KCMF1: variants seen among roughly 807,000 people sequenced by gnomAD.
KCMF1 encodes the protein potassium channel modulatory factor 1, also known as E3 ubiquitin-protein ligase KCMF1.
KCMF1 carries 3 observed loss-of-function variants against 41.1 expected under a neutral mutation model. That is an observed-to-expected ratio of 0.07 (90% CI 0.03 to 0.19). The LOEUF (loss-of-function observed/expected upper bound fraction) is 0.19. Ranked by LOEUF, KCMF1 falls within the 10% of genes least tolerant of loss-of-function variation. The pLI is 1.00. For missense variants in KCMF1, 286 were observed against 488.9 expected, an observed-to-expected ratio of 0.58 and a Z score of 3.91; for synonymous variants, 142 against 164.5, an observed-to-expected ratio of 0.86 and a Z score of 1.04.
chr2:85,050,021 G>A (rs545833672), intron 6 of KCMF1, among the ~76,000 whole-genome samples: 11 of 152,122 alleles, frequency 7.2e-5, no homozygotes, highest in Admixed American at 5.2e-4. Context: ...GTGATGGTGC[G>A]CACCTGTAGT....
intron 1 of KCMF1, among the ~76,000 whole-genome samples, chr2:84,973,645 A>T (rs561560002): frequency 7.2e-5 from 11 of 152,258 alleles, no homozygotes; most frequent in African/African-American, 2.4e-4. Context: ...CATTAGATAC[A>T]TATTTTGTGG....
chr2:85,021,216 C>A (rs1028490180), intron 1 of KCMF1, among the ~76,000 whole-genome samples: 2 of 152,066 alleles, frequency 1.3e-5, no homozygotes, highest in African/African-American at 4.8e-5. Context: ...TTAAGTTGAT[C>A]GGGGAGTCTC....
intron 5 of KCMF1, among the ~76,000 whole-genome samples, chr2:85,047,213 A>G (rs945695017): frequency 1.3e-5 from 2 of 152,344 alleles, no homozygotes; most frequent in African/African-American, 2.4e-5. Context: ...CAAGGAAATC[A>G]TAAAAGATTT....
intron 1 of KCMF1, among the ~76,000 whole-genome samples, chr2:85,016,859 T>G (rs1489991237): frequency 6.6e-6 from 1 of 151,962 alleles, no homozygotes; most frequent in African/African-American, 2.4e-5. Context: ...CCAGCTAATT[T>G]TTGTATCTTT....
intron 1 of KCMF1, among the ~76,000 whole-genome samples, chr2:84,993,482 C>T (rs1674096111): frequency 1.3e-5 from 2 of 152,052 alleles, no homozygotes; most frequent in Admixed American, 1.3e-4. Flanking sequence ...AGTTGATGTA[C>T]TCCCTTAATC....
chr2:85,015,674 C>A (rs546272981), intron 1 of KCMF1, among the ~76,000 whole-genome samples: 1 of 152,258 alleles, frequency 6.6e-6, no homozygotes, highest in South Asian at 2.1e-4. Context: ...TCTTTAAATA[C>A]AATATTTCAC....
chr2:85,016,679 TTATAC>T (rs1674775971), intron 1 of KCMF1, among the ~76,000 whole-genome samples: 1 of 152,030 alleles, frequency 6.6e-6, no homozygotes, highest in Non-Finnish European at 1.5e-5. Flanking sequence ...ACTGAGTTAC[TTATAC>T]TATAGTTTAT....
chr2:85,008,358 T>TG lies in KCMF1; in HGVS notation c.17-19531_17-19530insG, dbSNP rs1674555648. ...ATAATATGATATATAATATATAATA[T>TG]ATATTATATATCATATGATATATTA... On this transcript the variant is annotated intron_variant, in intron 1 of 6. Coordinates refer to ENST00000409785, the MANE Select transcript of KCMF1 (RefSeq NM_020122.5). 6.3e-5 allele frequency among the ~76,000 whole-genome samples: 7 copies of TG among 111,072 alleles called. No homozygotes were observed. In the East Asian group the frequency reaches 1.5e-3, roughly 23 times the overall value. 72.9% of individuals were successfully genotyped at this position (111,072 alleles called of 152,430 possible).
At chr2:85,016,482 A>T (rs1201268955) in intron 1 of KCMF1, among the ~76,000 whole-genome samples, 3 of 151,768 alleles carry the variant, frequency 2.0e-5, no homozygotes, top group Non-Finnish European at 4.4e-5. Context: ...TTGGCAAGGG[A>T]TGATTTATAT....
chr2:85,030,958 A>G (rs985370349), intron 2 of KCMF1, among the ~76,000 whole-genome samples: 2 of 152,180 alleles, frequency 1.3e-5, no homozygotes, highest in African/African-American at 4.8e-5. Context: ...TCAGCCTCCC[A>G]AAGTGCTGAG....
chr2:84,973,825 CTTTTTT>C (rs1238178193), intron 1 of KCMF1, among the ~76,000 whole-genome samples: 1 of 110,278 alleles, frequency 9.1e-6, no homozygotes. Context: ...TTATTTCTTT[CTTTTTT>C]TTTTTTTTTT....
intron 4 of KCMF1, among the ~76,000 whole-genome samples, chr2:85,044,673 C>T (rs944409791): frequency 1.3e-5 from 2 of 152,052 alleles, no homozygotes; most frequent in African/African-American, 2.4e-5. Context: ...TGAACCACTG[C>T]GCCTGGCCAA....
intron 1 of KCMF1, among the ~76,000 whole-genome samples, chr2:84,999,352 C>T (rs535252377): frequency 1.2e-4 from 18 of 152,164 alleles, no homozygotes; most frequent in Non-Finnish European, 2.2e-4. Flanking sequence ...ACGGTTTCAC[C>T]ATGTTGGCCA....
intron 5 of KCMF1, among the ~76,000 whole-genome samples, chr2:85,047,762 G>T (rs1167848746): frequency 6.6e-6 from 1 of 152,112 alleles, no homozygotes; most frequent in Non-Finnish European, 1.5e-5. Flanking sequence ...TGGTAAGACA[G>T]TGGGAAGTGT....
intron 2 of KCMF1, among the ~76,000 whole-genome samples, chr2:85,028,958 G>A (rs1286173480): frequency 6.6e-6 from 1 of 152,006 alleles, no homozygotes; most frequent in Non-Finnish European, 1.5e-5. Flanking sequence ...ACAAATAATA[G>A]CTTTATTTTA....
chr2:84,995,822 A>G (rs932403191), intron 1 of KCMF1, among the ~76,000 whole-genome samples: 1 of 152,236 alleles, frequency 6.6e-6, no homozygotes, highest in African/African-American at 2.4e-5. Flanking sequence ...TCTTATTCAC[A>G]TACTTTAAGT....
chr2:85,028,085 A>T, intron 2 of KCMF1, 29 bp downstream of exon 2: 1 of 1,429,426 alleles, frequency 7.0e-7, no homozygotes, highest in African/African-American at 1.4e-5. Flanking sequence ...AATGAATTAC[A>T]TCATTTAGAA....
chr2:85,026,878 T>C (rs184491206), intron 1 of KCMF1, among the ~76,000 whole-genome samples: 1 of 152,344 alleles, frequency 6.6e-6, no homozygotes, highest in Non-Finnish European at 1.5e-5. Context: ...TTCTTTCTGA[T>C]GGTGCTTTGT....
At chr2:84,990,685 A>G (rs926433325) in intron 1 of KCMF1, among the ~76,000 whole-genome samples, 1 of 152,022 alleles carries the variant, frequency 6.6e-6, no homozygotes, top group Non-Finnish European at 1.5e-5. Context: ...CTTGGAAGTC[A>G]GATGATTGGT....
Sources: gnomAD v4.1 joint callset for allele counts (sites outside exome capture counted in the v4.1 genomes callset) on GRCh38, gnomAD v4.1.1 for gene constraint, MANE v1.5 for transcripts, NCBI Gene and HGNC (gene_info 2026-07-23, HGNC 2026-07-21) for gene names.